SUFU: variants seen among roughly 807,000 people sequenced by gnomAD.
The protein encoded by SUFU is SUFU negative regulator of hedgehog signaling.
SUFU carries 7 observed loss-of-function variants against 58.9 expected under a neutral mutation model. That is an observed-to-expected ratio of 0.12 (90% confidence interval 0.07 to 0.22). The LOEUF (loss-of-function observed/expected upper bound fraction) is 0.22. Among genes scored for constraint, SUFU ranks in the 10% least tolerant of loss-of-function variants. The pLI is 1.00. For synonymous variants in SUFU, 232 were observed against 254.8 expected, an observed-to-expected ratio of 0.91 and a Z score of 0.85; for missense variants, 451 against 641.3, an observed-to-expected ratio of 0.70 and a Z score of 3.20.
intron 2 of SUFU, among the ~76,000 whole-genome samples, chr10:102,513,328 G>T (rs890668910): frequency 2.0e-5 from 3 of 152,194 alleles, no homozygotes; most frequent in Non-Finnish European, 4.4e-5. Context: ...TGGAATGATG[G>T]CAAATGGATC....
Position 102,631,833 on chromosome 10 carries a change from A to G in SUFU, c.*1678A>G, listed in dbSNP as rs1029427517. Reference sequence around the variant, plus strand: ...TCCATCAAGCTCAGAGTTAAAAGGCATATCAGCCTGGAGTATTTGGGAGAG... The same window carrying G: ...TCCATCAAGCTCAGAGTTAAAAGGCGTATCAGCCTGGAGTATTTGGGAGAG... On this transcript the variant is annotated 3_prime_UTR_variant, in exon 12 of 12. Transcript: ENST00000369902. 1.0e-4 allele frequency: 24 copies of G among 233,346 alleles called. No homozygotes were observed. The highest frequency in any genetic ancestry group is 4.6e-4 in the African/African-American group (21 of 45,460). 14.5% of individuals were successfully genotyped at this position (233,346 alleles called of 1,614,324 possible).
At chr10:102,548,176 G>C (rs2062873736) in intron 2 of SUFU, among the ~76,000 whole-genome samples, 1 of 149,436 alleles carries the variant, frequency 6.7e-6, no homozygotes, top group Non-Finnish European at 1.5e-5. Context: ...AGATGATAGA[G>C]AGATAGAGAG....
chr10:102,560,012 T>C (rs1262207459), intron 3 of SUFU, among the ~76,000 whole-genome samples: 1 of 152,188 alleles, frequency 6.6e-6, no homozygotes, highest in Non-Finnish European at 1.5e-5. Context: ...AGTAGGGATC[T>C]CTCCCAGGCC....
intron 3 of SUFU, among the ~76,000 whole-genome samples, chr10:102,584,621 A>G (rs1481269658): frequency 6.6e-6 from 1 of 152,172 alleles, no homozygotes; most frequent in African/African-American, 2.4e-5. Context: ...AATTAATAAC[A>G]TTTTGTTATA....
At chr10:102,596,027 A>T (rs1190224113) in intron 6 of SUFU, among the ~76,000 whole-genome samples, 1 of 152,154 alleles carries the variant, frequency 6.6e-6, no homozygotes, top group African/African-American at 2.4e-5. Context: ...CTCCCTGCCC[A>T]GAGTACACAG....
chr10:102,546,318 A>G (rs2062854389), intron 2 of SUFU, among the ~76,000 whole-genome samples: 1 of 151,182 alleles, frequency 6.6e-6, no homozygotes, highest in Admixed American at 6.6e-5. Flanking sequence ...GACAGTTAGA[A>G]CCCCTTACCC....
intron 10 of SUFU, among the ~76,000 whole-genome samples, chr10:102,624,570 A>T (rs1052925169): frequency 1.3e-5 from 2 of 152,114 alleles, no homozygotes; most frequent in Admixed American, 6.5e-5. Context: ...CCAGCAAATC[A>T]CCAAAAGCAA....
At chr10:102,517,811 A>C (rs778281184) in intron 2 of SUFU, among the ~76,000 whole-genome samples, 2 of 152,190 alleles carry the variant, frequency 1.3e-5, no homozygotes, top group Admixed American at 6.5e-5. Context: ...TGTCCTGCCT[A>C]CCAAGCTCTT....
At chr10:102,545,560 CT>C (rs1305084205) in intron 2 of SUFU, among the ~76,000 whole-genome samples, 2 of 152,168 alleles carry the variant, frequency 1.3e-5, no homozygotes, top group South Asian at 2.1e-4. Flanking sequence ...TATATTCCCC[CT>C]AATGATGTGC....
intron 2 of SUFU, among the ~76,000 whole-genome samples, chr10:102,539,885 A>G (rs945699626): frequency 6.6e-6 from 1 of 152,226 alleles, no homozygotes; most frequent in African/African-American, 2.4e-5. Context: ...GGCAAGTCCA[A>G]AATCTTTAGA....
intron 6 of SUFU, 25 bp from the exon 7 acceptor site, chr10:102,597,115 T>A (rs781090423): frequency 9.9e-6 from 16 of 1,613,792 alleles, no homozygotes; most frequent in Non-Finnish European, 1.4e-5. Context: ...GAAAGAACTC[T>A]GGCTCTTTGG....
intron 8 of SUFU, among the ~76,000 whole-genome samples, chr10:102,614,366 G>T (rs2063660197): frequency 6.6e-6 from 1 of 151,864 alleles, no homozygotes; most frequent in African/African-American, 2.4e-5. Context: ...AACCAGCCTT[G>T]CCAACATGGT....
In SUFU at chr10:102,568,874, C is replaced by CAAAAAAAA. The variant is rs59877393; in HGVS notation, c.454+18785_454+18792dup. On this transcript the variant is annotated intron_variant, in intron 3 of 11. Coordinates refer to ENST00000369902, the MANE Select transcript of SUFU (RefSeq NM_016169.4). Reference sequence around the variant, plus strand: ...GGGCGACAAGAGCAAAACTCTGTCTCAAAAAAAAAAAAAAAAAAAAAAAAT... The same window carrying CAAAAAAAA: ...GGGCGACAAGAGCAAAACTCTGTCTCAAAAAAAAAAAAAAAAAAAAAAAAAAAAAAAAT... Among the ~76,000 whole-genome samples the CAAAAAAAA allele has an allele frequency of 4.8e-4, 7 of 14,538 alleles. 1 individual carries two copies. The highest frequency in any genetic ancestry group is 4.5e-4 in the Non-Finnish European group (4 of 8,798). 9.5% of individuals were successfully genotyped at this position (14,538 alleles called of 152,430 possible).
chr10:102,504,318 G>T lies in SUFU; in HGVS notation c.166G>T (p.Ala56Ser), dbSNP rs200061483. Reference sequence around the variant, plus strand: ...CCAGCCGAACCCGCTCCAGGTTACCGCTATCGTCAAGTACTGGTATGCTCT... The same window carrying T: ...CCAGCCGAACCCGCTCCAGGTTACCTCTATCGTCAAGTACTGGTATGCTCT... ...PDQPNPLQVT[A>S]IVKYWLGGPD... Residue 56 changes from alanine (A) to serine (S), a missense_variant, in exon 1 of 12, where the codon GCT becomes TCT. By Grantham distance (99) the Ala-to-Ser change is moderately conservative. Coordinates refer to ENST00000369902, the MANE Select transcript of SUFU (RefSeq NM_016169.4). 2 of 1,613,810 alleles carry T rather than the reference G, an allele frequency of 1.2e-6. No homozygotes were observed. The highest frequency in any genetic ancestry group is 1.7e-6 in the Non-Finnish European group (2 of 1,179,916).
chr10:102,606,448 C>T (rs1590073681), intron 8 of SUFU, among the ~76,000 whole-genome samples: 1 of 152,152 alleles, frequency 6.6e-6, no homozygotes, highest in Non-Finnish European at 1.5e-5. Context: ...GTGGGATGCC[C>T]TTGTTCCTGT....
intron 3 of SUFU, among the ~76,000 whole-genome samples, chr10:102,559,665 C>T (rs1006431312): frequency 2.0e-5 from 3 of 152,110 alleles, no homozygotes; most frequent in Non-Finnish European, 4.4e-5. Context: ...TTATTCTTTT[C>T]AGATTGCCAG....
At chr10:102,549,379 C>G (rs928020050) in intron 2 of SUFU, among the ~76,000 whole-genome samples, 2 of 152,206 alleles carry the variant, frequency 1.3e-5, no homozygotes, top group Non-Finnish European at 2.9e-5. Context: ...ATAAACCCAT[C>G]AGATCTTGTG....
chr10:102,606,145 TACTATGA>T (rs1489523150), intron 8 of SUFU, among the ~76,000 whole-genome samples: 1 of 152,178 alleles, frequency 6.6e-6, no homozygotes, highest in Non-Finnish European at 1.5e-5. Flanking sequence ...TCAAGGCATG[TACTATGA>T]ACTGTACACT....
chr10:102,589,098 T>C (rs1211589812), intron 3 of SUFU, among the ~76,000 whole-genome samples: 1 of 151,754 alleles, frequency 6.6e-6, no homozygotes, highest in East Asian at 1.9e-4. Flanking sequence ...AATTTGTGTG[T>C]GTGTGTGTAT....
Sources: allele counts gnomAD v4.1 joint callset (sites outside exome capture counted in the v4.1 genomes callset), GRCh38; gene constraint gnomAD v4.1.1; transcripts MANE v1.5; gene names NCBI Gene and HGNC (gene_info 2026-07-23, HGNC 2026-07-21).